Variants in SPI1 observed in about 807,000 individuals in gnomAD.
SPI1 encodes transcription factor PU.1.
A neutral mutation model predicts 30.7 loss-of-function variants in SPI1; 3 were observed. That is an observed-to-expected ratio of 0.10 (90% confidence interval 0.04 to 0.25). The LOEUF (loss-of-function observed/expected upper bound fraction) is 0.25, where lower values mean the gene tolerates loss of function less well. SPI1 is among the 10% of genes least tolerant of loss of function. The pLI is 1.00. For missense variants in SPI1, 261 were observed against 371.5 expected (o/e 0.70, Z 2.45); for synonymous variants, 169 against 157.1 (o/e 1.08, Z -0.56).
intron 2 of SPI1, among the ~76,000 whole-genome samples, chr11:47,369,275 G>A (rs573283114): frequency 3.3e-5 from 5 of 152,172 alleles, no homozygotes; most frequent in Admixed American, 2.0e-4. Context: ...CAAACAAAAA[G>A]CATAATAAAC....
At chr11:47,356,890 AC>A (rs1342100674) in intron 4 of SPI1, among the ~76,000 whole-genome samples, 1 of 149,688 alleles carries the variant, frequency 6.7e-6, no homozygotes, top group Admixed American at 6.7e-5. Flanking sequence ...AGCTACACAC[AC>A]ACGCCCCTGC....
intron 4 of SPI1, chr11:47,358,049 TCA>T (rs1273953102): frequency 6.1e-6 from 1 of 163,234 alleles, no homozygotes; most frequent in East Asian, 1.7e-4. Context: ...ACATATCCAC[TCA>T]CATACATGCA....
Position 47,359,796 on chromosome 11 carries a change from G to C in SPI1, c.330+57C>G. On this transcript the variant is annotated intron_variant, in intron 3 of 4. Transcript: ENST00000378538. This position sits in a 1 kb window ranked among gnomAD's most constrained non-coding sequence, Gnocchi z 5.1. ...TGTGTCAGCTTCCTGTGAAGCTCCC[G>C]GGCCCCACCACAGGCCTGGCAGTCT... is the stretch of plus-strand genomic sequence containing the variant. 6.4e-7 allele frequency: 1 copy of C among 1,568,272 alleles called. No homozygotes were observed. Among genetic ancestry groups the C allele is most frequent in the Admixed American group, 1.7e-5 (1 of 59,166 alleles).
intron 1 of SPI1, among the ~76,000 whole-genome samples, chr11:47,377,307 T>C (rs1229817591): frequency 6.6e-6 from 1 of 152,098 alleles, no homozygotes; most frequent in Non-Finnish European, 1.5e-5. Context: ...GGAAGGGAGC[T>C]GCCTCTAGAC....
chr11:47,364,556 G>A (rs575277528), intron 2 of SPI1, among the ~76,000 whole-genome samples: 3 of 152,186 alleles, frequency 2.0e-5, no homozygotes, highest in Non-Finnish European at 4.4e-5. Context: ...GTATAATGCC[G>A]AATGGATCCT....
At chr11:47,368,096 T>A (rs1043456869) in intron 2 of SPI1, among the ~76,000 whole-genome samples, 1 of 152,156 alleles carries the variant, frequency 6.6e-6, no homozygotes, top group African/African-American at 2.4e-5. Context: ...CCGGGCGCAG[T>A]GGCTCACACC....
intron 2 of SPI1, among the ~76,000 whole-genome samples, chr11:47,372,750 G>T (rs1480291257): frequency 2.0e-5 from 3 of 152,126 alleles, no homozygotes; most frequent in African/African-American, 7.2e-5. Context: ...GCTAGCACGG[G>T]CCTCGTCCTC....
At position 47,355,260 on chromosome 11, in the gene SPI1, C is replaced by G; in HGVS notation, c.780G>C (p.Gly260=). The part of the protein sequence containing the change: ...YQFSGEVLGR[G]GLAERRHPPH The stretch of plus-strand genomic sequence containing the variant: ...GCGGGTGGCGCCGCTCGGCCAGGCC[C>G]CCGCGGCCCAGCACTTCGCCGCTGA... The change falls in exon 5 of 5, where the codon GGG becomes GGC. Residue 260 remains glycine (G), a synonymous_variant. Coordinates refer to ENST00000378538, the MANE Select transcript of SPI1 (RefSeq NM_003120.3). 6.7e-7 allele frequency: 1 copy of G among 1,496,968 alleles called. No individual in the cohort carries two copies. Among genetic ancestry groups the G allele is most frequent in the Non-Finnish European group, 8.9e-7 (1 of 1,125,006 alleles). 92.7% of individuals were successfully genotyped at this position (1,496,968 alleles called of 1,614,324 possible). A position where few individuals can be genotyped will look rare whatever the true frequency, so the allele number is the denominator to read the frequency against.
chr11:47,368,614 A>G (rs1014471257), intron 2 of SPI1, among the ~76,000 whole-genome samples: 4 of 152,250 alleles, frequency 2.6e-5, no homozygotes, highest in Admixed American at 6.5e-5. Flanking sequence ...GACACGTGCT[A>G]CACCATGGGT....
At chr11:47,367,299 A>G (rs1363006088) in intron 2 of SPI1, among the ~76,000 whole-genome samples, 3 of 152,124 alleles carry the variant, frequency 2.0e-5, no homozygotes, top group African/African-American at 7.2e-5. Flanking sequence ...TATGCTTGTA[A>G]TCCCAGCACT....
At chr11:47,376,082 C>T (rs2095941943) in intron 1 of SPI1, among the ~76,000 whole-genome samples, 1 of 151,998 alleles carries the variant, frequency 6.6e-6, no homozygotes, top group African/African-American at 2.4e-5. Context: ...CACACGATCC[C>T]TGTGTCACCC....
intron 2 of SPI1, among the ~76,000 whole-genome samples, chr11:47,373,587 G>A (rs975732138): frequency 1.3e-5 from 2 of 151,848 alleles, no homozygotes; most frequent in Admixed American, 6.6e-5. Context: ...GGCGGAGGTT[G>A]CAGTGAGCCA....
chr11:47,360,279 G>A (rs2095918775), intron 2 of SPI1, among the ~76,000 whole-genome samples: 1 of 152,172 alleles, frequency 6.6e-6, no homozygotes, highest in Non-Finnish European at 1.5e-5. Context: ...ACTCAGGGCT[G>A]AAGCAAAGCT....
chr11:47,358,926 C>A lies in SPI1; in HGVS notation c.411G>T (p.Glu137Asp). 1 of 1,564,174 alleles carries A rather than the reference C, an allele frequency of 6.4e-7. No individual in the cohort carries two copies. The highest frequency in any genetic ancestry group is 1.2e-5 in the South Asian group (1 of 81,854). Residue 137 changes from glutamate to aspartate, a missense_variant, in exon 4 of 5, where the codon GAG becomes GAT. Physicochemically the swap from Glu to Asp is conservative, Grantham distance 45. This residue lies in a region of SPI1 where 106 missense variants were observed against 102.0 expected (regional missense o/e 1.04). Transcript: ENST00000378538. ...AQPSSDEEEGERQSPPLEVSD... is the reference protein window; with the variant it reads ...AQPSSDEEEGDRQSPPLEVSD... ...ACACCTCCAGTGGGGGGCTCTGCCG[C>A]TCGCCCTCCTCCTCATCTGAGCTGG...
At chr11:47,357,499 C>T (rs1004139326) in intron 4 of SPI1, among the ~76,000 whole-genome samples, 1 of 151,588 alleles carries the variant, frequency 6.6e-6, no homozygotes, top group Non-Finnish European at 1.5e-5. Context: ...ATTCTGCTCT[C>T]ACATCCACTC....
rs760405055 is a variant in SPI1 at position 47,359,841 on chromosome 11, G to T, written c.330+12C>A. ...CAGTCTCCTGGGGGACGGGGCAGGCGGTGGCATGCACCTGGTGGCCAAGAC... is the reference window on the plus strand; with the variant it reads ...CAGTCTCCTGGGGGACGGGGCAGGCTGTGGCATGCACCTGGTGGCCAAGAC... On this transcript the variant is annotated intron_variant, in intron 3 of 4. Transcript: ENST00000378538. The surrounding 1 kb of genome is among the most constrained non-coding windows in gnomAD (Gnocchi z 5.1). 7 of 1,602,080 alleles carry T rather than the reference G, an allele frequency of 4.4e-6. No individual in the cohort carries two copies. Among genetic ancestry groups the T allele is most frequent in the Non-Finnish European group, 5.9e-6 (7 of 1,179,510 alleles).
intron 2 of SPI1, 126 bp from the exon 3 acceptor site, chr11:47,360,166 C>T (rs1000539841): frequency 3.7e-6 from 3 of 810,586 alleles, no homozygotes; most frequent in African/African-American, 1.7e-5. Context: ...ACCCTCGCCA[C>T]CTGCATGGTT....
rs538751220 is a variant in SPI1, at chr11:47,378,225, G to A, written c.45+84C>T. Reference sequence around the variant, plus strand: ...CCACTGATAGCAAGCCAGGAGGGCAGTGGGTGGGCTGGCGGGTTCGTGGGC... The same window carrying A: ...CCACTGATAGCAAGCCAGGAGGGCAATGGGTGGGCTGGCGGGTTCGTGGGC... On this transcript the variant is annotated intron_variant, in intron 1 of 4. Coordinates refer to ENST00000378538, the MANE Select transcript of SPI1 (RefSeq NM_003120.3). 399 of 1,439,852 alleles carry A rather than the reference G, an allele frequency of 2.8e-4. 4 individuals carry two copies. In the East Asian group the frequency reaches 9.2e-3, roughly 33 times the overall value. The allele number at this position is 1,439,852 out of a possible 1,614,324, so 89.2% of individuals were successfully genotyped here.
chr11:47,358,839 C>A lies in SPI1; in HGVS notation c.493+5G>T, dbSNP rs1252624773. The A allele has an allele frequency of 2.6e-6, 4 of 1,548,128 alleles. No homozygotes were observed. The highest frequency in any genetic ancestry group is 3.5e-6 in the Non-Finnish European group (4 of 1,145,366). ...GGGGCCAGGGTGGAGGGCCAGGTGC[C>A]CCACCTGTCTCCCCAGGCAGGAGCC... On this transcript the variant is annotated splice_donor_5th_base_variant and intron_variant, in intron 4 of 4. Coordinates refer to ENST00000378538, the MANE Select transcript of SPI1 (RefSeq NM_003120.3).
Sources: gnomAD v4.1 joint callset for allele counts (sites outside exome capture counted in the v4.1 genomes callset) on GRCh38, gnomAD v4.1.1 for gene constraint, gnomAD v4.1.1 regional missense constraint, Gnocchi (gnomAD v3.1) non-coding constraint, MANE v1.5 for transcripts, NCBI Gene and HGNC (gene_info 2026-07-23, HGNC 2026-07-21) for gene names.